The following UST variants were observed in gnomAD, a reference collection of about 807,000 sequenced individuals.
The protein encoded by UST is uronyl 2-sulfotransferase.
Under a neutral mutation model 45.6 loss-of-function variants are expected in UST, and 21 were observed. That is an observed-to-expected ratio of 0.46 (90% CI 0.33 to 0.66). The LOEUF is 0.66. Ranked by LOEUF, UST falls within the 30% of genes least tolerant of loss-of-function variation. UST has a pLI of 0.02. For missense variants in UST, 463 were observed against 512.4 expected (o/e 0.90, Z 0.93); for synonymous variants, 215 against 200.6 (o/e 1.07, Z -0.61).
rs978712440 is a variant in UST at position 148,899,782 on chromosome 6, A to G, written c.291+12753A>G. Reference sequence around the variant, plus strand: ...TCTTTTATCTGGTTCTTTAGTATTAACTTCATATCCCTGGTTAACCTGTTA... The same window carrying G: ...TCTTTTATCTGGTTCTTTAGTATTAGCTTCATATCCCTGGTTAACCTGTTA... On this transcript the variant is annotated intron_variant, in intron 2 of 7. Transcript: ENST00000367463. 2.0e-5 allele frequency among the ~76,000 whole-genome samples: 3 copies of G among 152,262 alleles called. No individual in the cohort carries two copies. In the East Asian group the frequency reaches 5.8e-4, roughly 29 times the overall value.
intron 1 of UST, among the ~76,000 whole-genome samples, chr6:148,853,021 A>G (rs562798610): frequency 8.5e-5 from 13 of 152,304 alleles, no homozygotes; most frequent in Non-Finnish European, 1.9e-4. Flanking sequence ...ACATAGGTAA[A>G]CGTGTGCCGT....
chr6:148,755,002 A>G (rs555115127), intron 1 of UST, among the ~76,000 whole-genome samples: 11 of 152,330 alleles, frequency 7.2e-5, no homozygotes, highest in South Asian at 4.1e-4. Flanking sequence ...CACTTAACCT[A>G]TTTTAGAGAT....
intron 4 of UST, among the ~76,000 whole-genome samples, chr6:148,963,958 C>T (rs1187678461): frequency 1.3e-5 from 2 of 152,148 alleles, no homozygotes; most frequent in Admixed American, 6.5e-5. Flanking sequence ...GAGGAAGTGC[C>T]GTCTCACCCA....
chr6:148,994,650 G>A (rs1407496541), intron 5 of UST, among the ~76,000 whole-genome samples: 2 of 152,122 alleles, frequency 1.3e-5, no homozygotes, highest in African/African-American at 2.4e-5. Flanking sequence ...TCACCTCTTC[G>A]CTAGTCAAGA....
chr6:148,983,829 C>G (rs1781184722), intron 5 of UST, among the ~76,000 whole-genome samples: 1 of 152,188 alleles, frequency 6.6e-6, no homozygotes. Flanking sequence ...ATTCCTTGTC[C>G]AGAAAAGGAG....
chr6:149,039,002 T>TAC (rs200234899), intron 7 of UST, among the ~76,000 whole-genome samples: 10 of 152,092 alleles, frequency 6.6e-5, no homozygotes, highest in East Asian at 1.9e-4. Context: ...ATTTGTTGTA[T>TAC]ACACACACAC....
intron 1 of UST, among the ~76,000 whole-genome samples, chr6:148,777,634 T>G (rs1406384166): frequency 4.6e-5 from 7 of 152,186 alleles, no homozygotes; most frequent in Admixed American, 4.6e-4. Context: ...AACCTACGCA[T>G]CCCGGGTTCC....
chr6:148,805,988 G>A (rs758747631), intron 1 of UST, among the ~76,000 whole-genome samples: 1 of 151,962 alleles, frequency 6.6e-6, no homozygotes, highest in Non-Finnish European at 1.5e-5. Flanking sequence ...CTTATTCAAG[G>A]GGAAAAAAAG....
chr6:149,038,219 G>A (rs1703785293), intron 7 of UST, among the ~76,000 whole-genome samples: 1 of 151,598 alleles, frequency 6.6e-6, no homozygotes, highest in Non-Finnish European at 1.5e-5. Flanking sequence ...CGTTACCCAA[G>A]AATTGAGACC....
intron 1 of UST, among the ~76,000 whole-genome samples, chr6:148,831,346 T>C (rs1429721026): frequency 1.3e-5 from 2 of 152,208 alleles, no homozygotes; most frequent in Non-Finnish European, 2.9e-5. Context: ...GGGACAGTCA[T>C]TTCATGACTC....
intron 2 of UST, among the ~76,000 whole-genome samples, chr6:148,916,942 G>A (rs917581749): frequency 2.0e-5 from 3 of 152,234 alleles, no homozygotes; most frequent in Non-Finnish European, 4.4e-5. Flanking sequence ...TGCATAGTTA[G>A]AGCCAATCCC....
At chr6:148,872,043 A>T (rs985390144) in intron 1 of UST, among the ~76,000 whole-genome samples, 5 of 152,262 alleles carry the variant, frequency 3.3e-5, no homozygotes, top group Admixed American at 6.5e-5. Context: ...GAAATCGTGT[A>T]TGTGGCTGTG....
At chr6:149,037,959 A>G (rs1010296745) in intron 7 of UST, among the ~76,000 whole-genome samples, 2 of 152,194 alleles carry the variant, frequency 1.3e-5, no homozygotes, top group African/African-American at 2.4e-5. Flanking sequence ...CCGAGGCGCC[A>G]TGATTCTTCC....
intron 5 of UST, among the ~76,000 whole-genome samples, chr6:148,982,385 C>A (rs1413314626): frequency 4.6e-5 from 7 of 152,158 alleles, no homozygotes; most frequent in African/African-American, 1.7e-4. Context: ...TGGCATGAAC[C>A]ACTGCACCCA....
At chr6:148,764,756 A>G (rs901547279) in intron 1 of UST, among the ~76,000 whole-genome samples, 1 of 152,182 alleles carries the variant, frequency 6.6e-6, no homozygotes, top group Non-Finnish European at 1.5e-5. Context: ...AGGGCAACAA[A>G]AGGTCACAAG....
chr6:148,902,897 G>T (rs1432229658), intron 2 of UST, among the ~76,000 whole-genome samples: 1 of 151,956 alleles, frequency 6.6e-6, no homozygotes, highest in Non-Finnish European at 1.5e-5. Flanking sequence ...ACAAGAGCTT[G>T]TTGTTGTTGT....
At chr6:148,911,870 A>C (rs1779481579) in intron 2 of UST, among the ~76,000 whole-genome samples, 1 of 152,174 alleles carries the variant, frequency 6.6e-6, no homozygotes, top group Non-Finnish European at 1.5e-5. Context: ...AAACAGCCTC[A>C]AATCCTTTTT....
chr6:149,017,907 A>T (rs1775928316), intron 5 of UST, among the ~76,000 whole-genome samples: 1 of 151,938 alleles, frequency 6.6e-6, no homozygotes, highest in South Asian at 2.1e-4. Context: ...ATGGGTTTTC[A>T]TACACAATGA....
chr6:148,969,297 GT>G (rs1780866361), intron 5 of UST, among the ~76,000 whole-genome samples: 1 of 152,166 alleles, frequency 6.6e-6, no homozygotes, highest in Non-Finnish European at 1.5e-5. Context: ...CTTTTTAAGT[GT>G]TTCAGTAAAT....
Sources: gnomAD v4.1 joint callset for allele counts (sites outside exome capture counted in the v4.1 genomes callset) on GRCh38, gnomAD v4.1.1 for gene constraint, MANE v1.5 for transcripts, NCBI Gene and HGNC (gene_info 2026-07-23, HGNC 2026-07-21) for gene names.